Variants in GOLM2 observed in about 807,000 individuals in gnomAD.
GOLM2 encodes the protein protein GOLM2.
Under a neutral mutation model 55.9 loss-of-function variants are expected in GOLM2, and 26 were observed. The ratio of observed to expected loss-of-function variants is 0.47; its 90% CI spans 0.34 to 0.65. The LOEUF is 0.65. Among genes scored for constraint, GOLM2 ranks in the 30% least tolerant of loss-of-function variants. GOLM2 has a pLI of 0.01. For synonymous variants in GOLM2, 165 were observed against 194.6 expected, an observed-to-expected ratio of 0.85 and a Z score of 1.27; for missense variants, 486 against 531.8, an observed-to-expected ratio of 0.91 and a Z score of 0.85.
rs1555421398 is a variant in GOLM2, at chr15:44,310,489, T to TATAC, written c.328-12475_328-12474insTACA. Among the ~76,000 whole-genome samples the TATAC allele has an allele frequency of 2.3e-3, 306 of 131,970 alleles. 2 individuals are homozygous for TATAC. The highest frequency in any genetic ancestry group is 9.8e-3 in the African/African-American group (286 of 29,196). The allele number at this position is 131,970 out of a possible 152,430, so 86.6% of individuals were successfully genotyped here. On this transcript the variant is annotated intron_variant, in intron 1 of 9. Transcript: ENST00000299957. Reference sequence around the variant, plus strand: ...ATATATGTATATATATATATATATATACACACACACACCCACACACACACA... The same window carrying TATAC: ...ATATATGTATATATATATATATATATATACACACACACACACCCACACACACACA...
chr15:44,395,880 T>A (rs1032139234), intron 8 of GOLM2, among the ~76,000 whole-genome samples: 5 of 152,002 alleles, frequency 3.3e-5, no homozygotes, highest in Admixed American at 6.6e-5. Context: ...GCTATCTTTA[T>A]TTACCAAAGA....
intron 6 of GOLM2, among the ~76,000 whole-genome samples, chr15:44,364,012 G>C (rs1324956971): frequency 6.6e-6 from 1 of 151,412 alleles, no homozygotes; most frequent in East Asian, 1.9e-4. Context: ...ATGGACACAG[G>C]AAGGGGAACA....
At chr15:44,306,598 C>T (rs1233723197) in intron 1 of GOLM2, among the ~76,000 whole-genome samples, 1 of 152,198 alleles carries the variant, frequency 6.6e-6, no homozygotes, top group Non-Finnish European at 1.5e-5. Context: ...CTGTTTGGCA[C>T]AAGAGGCCTA....
intron 8 of GOLM2, among the ~76,000 whole-genome samples, chr15:44,392,642 T>C (rs975454143): frequency 3.6e-4 from 54 of 151,716 alleles, no homozygotes; most frequent in African/African-American, 1.3e-3. Flanking sequence ...AAAAAAATTC[T>C]GAACAAAACA....
At chr15:44,302,254 C>T (rs189832647) in intron 1 of GOLM2, among the ~76,000 whole-genome samples, 31 of 150,744 alleles carry the variant, frequency 2.1e-4, no homozygotes, top group Non-Finnish European at 4.3e-4. Flanking sequence ...AAGCGATTCT[C>T]CTGCCTCAGC....
intron 1 of GOLM2, among the ~76,000 whole-genome samples, chr15:44,299,440 G>C (rs925096813): frequency 2.0e-5 from 3 of 151,734 alleles, no homozygotes; most frequent in Non-Finnish European, 4.4e-5. Flanking sequence ...TTACAGGCAC[G>C]CACCACCACA....
intron 1 of GOLM2, among the ~76,000 whole-genome samples, chr15:44,303,078 G>A (rs2078810441): frequency 6.6e-6 from 1 of 151,402 alleles, no homozygotes; most frequent in Non-Finnish European, 1.5e-5. Context: ...ACTCTAGCCT[G>A]GGCGACAGAG....
In GOLM2 at chr15:44,339,923, G is replaced by A. The variant is rs1212084377; in HGVS notation, c.802+1606G>A. Among the ~76,000 whole-genome samples the A allele has an allele frequency of 2.6e-5, 4 of 151,906 alleles. No homozygotes were observed. The South Asian group carries it at 6.2e-4, about 24-fold the overall frequency. On this transcript the variant is annotated intron_variant, in intron 6 of 9. Transcript: ENST00000299957. ...CAGCCTCGATCTCCCGGGCATAAGCGATCTTCCCACCTCAGCCTCCTGAGT... is the reference window on the plus strand; with the variant it reads ...CAGCCTCGATCTCCCGGGCATAAGCAATCTTCCCACCTCAGCCTCCTGAGT...
At chr15:44,316,482 G>A (rs1046416644) in intron 1 of GOLM2, among the ~76,000 whole-genome samples, 11 of 152,310 alleles carry the variant, frequency 7.2e-5, no homozygotes, top group Non-Finnish European at 1.0e-4. Flanking sequence ...CTGGCCCGGC[G>A]CGGTGGCTCA....
chr15:44,327,673 T>G (rs2078993929), intron 2 of GOLM2, among the ~76,000 whole-genome samples: 1 of 152,234 alleles, frequency 6.6e-6, no homozygotes, highest in Non-Finnish European at 1.5e-5. Flanking sequence ...ATCACCTATC[T>G]GTGAAATTAA....
intron 8 of GOLM2, among the ~76,000 whole-genome samples, chr15:44,386,327 A>G (rs1260392368): frequency 6.6e-6 from 1 of 152,220 alleles, no homozygotes; most frequent in Non-Finnish European, 1.5e-5. Context: ...ATCCTTGTCA[A>G]AAATCTATTG....
At chr15:44,295,375 G>A (rs1463781407) in intron 1 of GOLM2, among the ~76,000 whole-genome samples, 3 of 152,122 alleles carry the variant, frequency 2.0e-5, no homozygotes, top group Non-Finnish European at 2.9e-5. Flanking sequence ...CACCACATCC[G>A]GCCTTGAACA....
chr15:44,380,999 T>TTTTAGCATAATATTC, intron 8 of GOLM2, 23 bp downstream of exon 8: 1 of 1,455,326 alleles, frequency 6.9e-7, no homozygotes, highest in African/African-American at 1.4e-5. Context: ...TGATGAATAT[T>TTTTAGCATAATATTC]ATGCTAAAAA....
rs142957027 is a variant in GOLM2, at chr15:44,326,092, T to C, written c.383-2593T>C. Among the ~76,000 whole-genome samples, 881 of 151,880 alleles carry C rather than the reference T, an allele frequency of 5.8e-3. 3 individuals are homozygous for C. The highest frequency in any genetic ancestry group is 0.01 in the South Asian group (48 of 4,798). On this transcript the variant is annotated intron_variant, in intron 2 of 9. Coordinates refer to ENST00000299957, the MANE Select transcript of GOLM2 (RefSeq NM_138423.4). Reference sequence around the variant, plus strand: ...GCCTGGCCAACACAGTGAAACCCTGTCTCTACTAAAAATACAAAAATTAGC... The same window carrying C: ...GCCTGGCCAACACAGTGAAACCCTGCCTCTACTAAAAATACAAAAATTAGC...
intron 8 of GOLM2, among the ~76,000 whole-genome samples, chr15:44,397,937 T>C (rs984553568): frequency 1.3e-5 from 2 of 152,224 alleles, no homozygotes; most frequent in Middle Eastern, 3.2e-3. Context: ...TTATGACATA[T>C]ATTCATTTTG....
intron 6 of GOLM2, among the ~76,000 whole-genome samples, chr15:44,346,737 A>G (rs1419065101): frequency 6.6e-6 from 1 of 152,190 alleles, no homozygotes; most frequent in African/African-American, 2.4e-5. Context: ...TAGGACAGGG[A>G]TGAAAAGGTG....
At chr15:44,385,818 A>G (rs2079440568) in intron 8 of GOLM2, among the ~76,000 whole-genome samples, 1 of 152,150 alleles carries the variant, frequency 6.6e-6, no homozygotes, top group South Asian at 2.1e-4. Flanking sequence ...TTGGCCTCCC[A>G]AAAGCACTGG....
At chr15:44,407,625 T>TA (rs2079606448) in intron 9 of GOLM2, among the ~76,000 whole-genome samples, 1 of 152,038 alleles carries the variant, frequency 6.6e-6, no homozygotes, top group East Asian at 1.9e-4. Context: ...AAATTTTTTT[T>TA]ATTTTCTAAG....
intron 6 of GOLM2, among the ~76,000 whole-genome samples, chr15:44,366,331 C>T (rs1187484648): frequency 3.4e-5 from 5 of 148,454 alleles, no homozygotes; most frequent in Admixed American, 2.7e-4. Flanking sequence ...AAACAAACCA[C>T]AAAACTGCTC....
Sources: allele counts gnomAD v4.1 joint callset (sites outside exome capture counted in the v4.1 genomes callset), GRCh38; gene constraint gnomAD v4.1.1; transcripts MANE v1.5; gene names NCBI Gene and HGNC (gene_info 2026-07-23, HGNC 2026-07-21).